The following MFN2 variants were observed in gnomAD, a reference collection of about 807,000 sequenced individuals.
The protein encoded by MFN2 is mitofusin 2, also known as mitofusin-2.
In MFN2, 43 loss-of-function variants were observed where a neutral mutation model predicts 87.5. That is an observed-to-expected ratio of 0.49 (90% CI 0.38 to 0.63). The LOEUF (loss-of-function observed/expected upper bound fraction) is 0.63, where lower values mean the gene tolerates loss of function less well. Ranked by LOEUF, MFN2 falls within the 30% of genes least tolerant of loss-of-function variation. The pLI is 0.00. For missense variants in MFN2, 743 were observed against 972.8 expected, an observed-to-expected ratio of 0.76 and a Z score of 3.14; for synonymous variants, 337 against 359.9, an observed-to-expected ratio of 0.94 and a Z score of 0.72.
chr1:11,991,950 A>AAAAAG (rs1202436105), intron 3 of MFN2, among the ~76,000 whole-genome samples: 11 of 142,662 alleles, frequency 7.7e-5, no homozygotes, highest in African/African-American at 2.5e-4. Context: ...AAAAAAAAAA[A>AAAAAG]AAGAAGTGAC....
intron 4 of MFN2, among the ~76,000 whole-genome samples, chr1:11,994,730 T>C (rs578155444): frequency 6.6e-6 from 1 of 152,364 alleles, no homozygotes; most frequent in Admixed American, 6.5e-5. Context: ...CCTCTACTCC[T>C]CTGAACTATC....
Position 12,011,541 on chromosome 1 carries a change from C to T in MFN2, c.2250C>T (p.His750=). The T allele has an allele frequency of 6.2e-7, 1 of 1,614,108 alleles. No homozygotes were observed. Reference sequence around the variant, plus strand: ...ACAGTGAGCTCAACATGTTCACACACCAGTACCTGCAGCCCAGCAGATAGT... The same window carrying T: ...ACAGTGAGCTCAACATGTTCACACATCAGTACCTGCAGCCCAGCAGATAGT... The part of the protein sequence containing the change: ...WLDSELNMFT[H]QYLQPSR Residue 750 remains histidine (H), a synonymous_variant, in exon 19 of 19, where the codon CAC becomes CAT. Transcript: ENST00000235329.
intron 6 of MFN2, among the ~76,000 whole-genome samples, chr1:11,998,117 C>CAA (rs1639007893): frequency 1.3e-5 from 2 of 151,646 alleles, no homozygotes; most frequent in Non-Finnish European, 1.5e-5. Context: ...CTGCTGACCT[C>CAA]ATGATCCGCC....
In MFN2 at chr1:11,988,254, A is replaced by G. The variant is rs536744470; in HGVS notation, c.-4-911A>G. Among the ~76,000 whole-genome samples, 147 of 151,840 alleles carry G rather than the reference A, an allele frequency of 9.7e-4. 2 individuals are homozygous for G. The highest frequency in any genetic ancestry group is 3.5e-3 in the African/African-American group (146 of 41,388). ...GTAGCTGGGATTATAGGCGGCCACC[A>G]CCACACCCGGCTATATTTTTTTGTA... On this transcript the variant is annotated intron_variant, in intron 2 of 18. Transcript: ENST00000235329.
rs769096722 is a variant in MFN2, at chr1:12,002,030, G to T, written c.1087G>T (p.Val363Phe). ...GAAGACCAAGTTTGAGCAGCACACG[G>T]TCCGGGCCAAGCAGATTGCAGAGGC... ...AVKTKFEQHTVRAKQIAEAVR... is the reference protein window; with the variant it reads ...AVKTKFEQHTFRAKQIAEAVR... Residue 363 changes from valine to phenylalanine, a missense_variant, in exon 11 of 19, where the codon GTC (valine) becomes TTC (phenylalanine). Transcript: ENST00000235329. 7.4e-6 allele frequency: 12 copies of T among 1,614,218 alleles called. 1 individual carries two copies. In the South Asian group the frequency reaches 1.3e-4, roughly 18 times the overall value.
At chr1:11,988,420 TA>T (rs59308324) in intron 2 of MFN2, among the ~76,000 whole-genome samples, 1 of 150,604 alleles carries the variant, frequency 6.6e-6, no homozygotes, top group African/African-American at 2.4e-5. Context: ...TTTTTTTTTT[TA>T]AATAGAGACG....
chr1:11,995,487 G>C (rs1638870811), intron 4 of MFN2, among the ~76,000 whole-genome samples: 1 of 151,592 alleles, frequency 6.6e-6, no homozygotes, highest in Non-Finnish European at 1.5e-5. Flanking sequence ...ACAAAAATTA[G>C]CCGGGCATGG....
chr1:12,013,261 A>C lies in MFN2; in HGVS notation c.*1696A>C. On this transcript the variant is annotated 3_prime_UTR_variant, in exon 19 of 19. Coordinates refer to ENST00000235329, the MANE Select transcript of MFN2 (RefSeq NM_014874.4). ...ATGTAGCCCCTGGGGAATGAATGAA[A>C]TTTTGAGCTTCTTCAATACGTAAAA... 1 of 409,878 alleles carries C rather than the reference A, an allele frequency of 2.4e-6. No individual in the cohort carries two copies. The highest frequency in any genetic ancestry group is 5.1e-6 in the Non-Finnish European group (1 of 197,316). The allele number at this position is 409,878 out of a possible 1,614,324, so 25.4% of individuals were successfully genotyped here. A position where few individuals can be genotyped will look rare whatever the true frequency, so the allele number is the denominator to read the frequency against.
chr1:12,006,562 C>A lies in MFN2; in HGVS notation c.1741C>A (p.Pro581Thr). Residue 581 changes from proline to threonine, a missense_variant, in exon 16 of 19, where the codon CCA becomes ACA. Pro to Thr is a conservative substitution (Grantham distance 38). This residue lies in a region of MFN2 where 571 missense variants were observed against 670.7 expected (regional missense o/e 0.85). Transcript: ENST00000235329. ...DQVQRPIPLT[P>T]ANPSMPPLPQ... is the part of the protein sequence containing the mutation. ...GGTCCAGCGTCCCATCCCTCTGACG[C>A]CAGCCAACCCCAGCATGCCCCCACT... is the stretch of plus-strand genomic sequence containing the variant. 1 of 1,614,256 alleles carries A rather than the reference C, an allele frequency of 6.2e-7. No homozygotes were observed.
At chr1:11,994,244 C>G (rs144004216) in intron 4 of MFN2, among the ~76,000 whole-genome samples, 1,718 of 152,310 alleles carry the variant, frequency 0.011, 25 homozygotes, top group Middle Eastern at 0.044. Context: ...AGTTTTAACA[C>G]TGGCCCTTGT....
rs747366725 is a variant in MFN2, at chr1:11,998,755, C to T, written c.600-15C>T. 2.5e-6 allele frequency: 4 copies of T among 1,612,154 alleles called. No homozygotes were observed. On this transcript the variant is annotated splice_polypyrimidine_tract_variant and intron_variant, in intron 6 of 18. Coordinates refer to ENST00000235329, the MANE Select transcript of MFN2 (RefSeq NM_014874.4). Reference sequence around the variant, plus strand: ...TGCTCTGCCTGATGATTTGGTTTACCCCTGTCACCTTTAGCCCTGGTATTG... The same window carrying T: ...TGCTCTGCCTGATGATTTGGTTTACTCCTGTCACCTTTAGCCCTGGTATTG...
intron 16 of MFN2, among the ~76,000 whole-genome samples, 175 bp from the exon 17 acceptor site, chr1:12,006,878 T>C (rs1317079437): frequency 3.3e-5 from 5 of 152,222 alleles, no homozygotes; most frequent in African/African-American, 4.8e-5. Context: ...CTGCTGGACA[T>C]GGTCCCAGAC....
At chr1:11,984,248 G>A (rs908971254) in intron 2 of MFN2, among the ~76,000 whole-genome samples, 9 of 152,172 alleles carry the variant, frequency 5.9e-5, no homozygotes, top group African/African-American at 1.4e-4. Flanking sequence ...GTGGGGTATC[G>A]CTGATCCTTC....
At chr1:12,005,517 C>A (rs1463291745) in intron 14 of MFN2, among the ~76,000 whole-genome samples, 194 bp from the exon 15 acceptor site, 1 of 152,232 alleles carries the variant, frequency 6.6e-6, no homozygotes, top group Non-Finnish European at 1.5e-5. Flanking sequence ...CATCTGAGTC[C>A]ACACTTGCCT....
intron 1 of MFN2, among the ~76,000 whole-genome samples, chr1:11,981,285 A>G (rs1448786264): frequency 6.6e-6 from 1 of 152,132 alleles, no homozygotes. Context: ...CGGGCGGATC[A>G]CCTGAGGTCA....
intron 3 of MFN2, 32 bp downstream of exon 3, chr1:11,989,375 C>G: frequency 6.2e-7 from 1 of 1,611,098 alleles, no homozygotes; most frequent in Non-Finnish European, 8.5e-7. Flanking sequence ...CAGGCCCGCT[C>G]TTACCTGTTT....
chr1:12,010,724 T>A (rs2100871951), intron 18 of MFN2, among the ~76,000 whole-genome samples: 1 of 152,330 alleles, frequency 6.6e-6, no homozygotes, highest in African/African-American at 2.4e-5. Context: ...TGTCTCATTA[T>A]TTTCATCTGT....
intron 8 of MFN2, among the ~76,000 whole-genome samples, chr1:12,001,078 C>T (rs1639148648): frequency 6.6e-6 from 1 of 152,152 alleles, no homozygotes; most frequent in Non-Finnish European, 1.5e-5. Context: ...GTGGTGCTAT[C>T]TTGGCTCACT....
rs1209964847 is a variant in MFN2 at position 12,004,866 on chromosome 1, G to A, written c.1434G>A (p.Met478Ile). The A allele has an allele frequency of 2.5e-6, 4 of 1,613,898 alleles. No individual in the cohort carries two copies. Among genetic ancestry groups the A allele is most frequent in the Middle Eastern group, 1.6e-4 (1 of 6,062 alleles). ...RHIEEGLGRN[M>I]SDRCSTAITN... ...TAGAGGAAGGACTGGGTCGAAACATGTCTGACCGCTGCTCCACGGCCATCA... is the reference window on the plus strand; with the variant it reads ...TAGAGGAAGGACTGGGTCGAAACATATCTGACCGCTGCTCCACGGCCATCA... Residue 478 changes from methionine (M) to isoleucine (I), a missense_variant, in exon 14 of 19, where the codon ATG becomes ATA. This residue lies in a region of MFN2 where 571 missense variants were observed against 670.7 expected (regional missense o/e 0.85). Coordinates refer to ENST00000235329, the MANE Select transcript of MFN2 (RefSeq NM_014874.4). This position sits in a 1 kb window ranked among gnomAD's most constrained non-coding sequence, Gnocchi z 4.2.
Sources: allele counts gnomAD v4.1 joint callset (sites outside exome capture counted in the v4.1 genomes callset), GRCh38; gene constraint gnomAD v4.1.1; regional missense constraint gnomAD v4.1.1; non-coding constraint Gnocchi (gnomAD v3.1); transcripts MANE v1.5; gene names NCBI Gene and HGNC (gene_info 2026-07-23, HGNC 2026-07-21).